The following WDR35 variants were observed in gnomAD, a reference collection of about 807,000 sequenced individuals.
WDR35 encodes the protein WD repeat-containing protein 35.
In WDR35, 118 loss-of-function variants were observed where a neutral mutation model predicts 158.3. The ratio of observed to expected loss-of-function variants is 0.75; its 90% CI spans 0.64 to 0.87. The LOEUF is 0.87. Ranked by LOEUF, WDR35 falls within the 40% of genes least tolerant of loss-of-function variation. The pLI, the probability that WDR35 is intolerant of heterozygous loss-of-function variation, is 0.00. For synonymous variants in WDR35, 448 were observed against 476.1 expected, an observed-to-expected ratio of 0.94 and a Z score of 0.77; for missense variants, 1,263 against 1,405.8, an observed-to-expected ratio of 0.90 and a Z score of 1.62.
At chr2:19,965,772 CCTT>C (rs531047586) in intron 10 of WDR35, among the ~76,000 whole-genome samples, 2 of 152,242 alleles carry the variant, frequency 1.3e-5, no homozygotes, top group South Asian at 2.1e-4. Flanking sequence ...AGTGGGATCT[CCTT>C]CTTCTTAAAA....
chr2:19,976,996 T>G (rs1012308282), intron 5 of WDR35, among the ~76,000 whole-genome samples: 1 of 148,276 alleles, frequency 6.7e-6, no homozygotes, highest in South Asian at 2.1e-4. Context: ...ATTTGTTTTG[T>G]TTTTTTTTTA....
intron 25 of WDR35, 30 bp downstream of exon 25, chr2:19,930,366 C>T: frequency 1.9e-6 from 3 of 1,614,052 alleles, no homozygotes; most frequent in Middle Eastern, 3.3e-4. Flanking sequence ...AATTTTCAGA[C>T]ATACTATACA....
At position 19,982,677 on chromosome 2, in the gene WDR35, C is replaced by T. The variant is rs535176830; in HGVS notation, c.143-143G>A. On this transcript the variant is annotated intron_variant, in intron 2 of 26. Coordinates refer to ENST00000281405, the MANE Select transcript of WDR35 (RefSeq NM_020779.4). ...TGATATATTTTTCTCATGGTATAAA[C>T]ATGAACAATAACACATACCCCTTGC... 2,731 of 877,214 alleles carry T rather than the reference C, an allele frequency of 3.1e-3. 53 individuals carry two copies. Among genetic ancestry groups the T allele is most frequent in the South Asian group, 0.014 (856 of 59,236 alleles). 54.3% of individuals were successfully genotyped at this position (877,214 alleles called of 1,614,324 possible). A position where few individuals can be genotyped will look rare whatever the true frequency, so the allele number is the denominator to read the frequency against.
Position 19,910,418 on chromosome 2 carries a change from C to T in WDR35, c.*3140G>A, listed in dbSNP as rs1368691464. ...AGCATTTGTGAATTAAGCATGTCAA[C>T]ATTACTGTGTTGCTTGTTAGGCACA... is the stretch of plus-strand genomic sequence containing the variant. On this transcript the variant is annotated 3_prime_UTR_variant, in exon 27 of 27. Transcript: ENST00000281405. 6.6e-6 allele frequency: 1 copy of T among 152,144 alleles called. No individual in the cohort carries two copies. The highest frequency in any genetic ancestry group is 2.4e-5 in the African/African-American group (1 of 41,422). The allele number at this position is 152,144 out of a possible 1,614,324, so 9.4% of individuals were successfully genotyped here.
chr2:19,983,861 T>G (rs1388522423), intron 2 of WDR35, among the ~76,000 whole-genome samples: 1 of 152,134 alleles, frequency 6.6e-6, no homozygotes, highest in Non-Finnish European at 1.5e-5. Context: ...AGGCTGAACA[T>G]AATTTTTTTT....
At position 19,980,672 on chromosome 2, in the gene WDR35, C is replaced by G; in HGVS notation, c.307+19G>C. 1.2e-6 allele frequency: 2 copies of G among 1,600,486 alleles called. No homozygotes were observed. Among genetic ancestry groups the G allele is most frequent in the Non-Finnish European group, 1.7e-6 (2 of 1,167,894 alleles). The stretch of plus-strand genomic sequence containing the variant: ...GCCAACTTGTGAAAAATTAAATAAT[C>G]TCTCCTAGTAAAGTATACCTTTATA... On this transcript the variant is annotated intron_variant, in intron 4 of 26. Coordinates refer to ENST00000281405, the MANE Select transcript of WDR35 (RefSeq NM_020779.4).
chr2:19,959,480 G>GTATATA (rs1671561396), intron 11 of WDR35, among the ~76,000 whole-genome samples: 1 of 151,744 alleles, frequency 6.6e-6, no homozygotes, highest in East Asian at 1.9e-4. Flanking sequence ...ATATATATGT[G>GTATATA]TATATAAATA....
chr2:19,958,160 G>A (rs1235162380), intron 11 of WDR35, among the ~76,000 whole-genome samples: 7 of 152,160 alleles, frequency 4.6e-5, no homozygotes, highest in African/African-American at 7.2e-5. Flanking sequence ...CCTAGTGCAC[G>A]TGTTAGATAC....
intron 24 of WDR35, 64 bp downstream of exon 24, chr2:19,931,205 G>A (rs1489129792): frequency 6.8e-7 from 1 of 1,475,620 alleles, no homozygotes; most frequent in Admixed American, 1.9e-5. Flanking sequence ...AAGTTTAATA[G>A]TTTCTTTTTT....
chr2:19,964,636 G>A (rs920744888), intron 10 of WDR35, among the ~76,000 whole-genome samples: 3 of 151,316 alleles, frequency 2.0e-5, no homozygotes, highest in Non-Finnish European at 2.9e-5. Context: ...TGCCCACCTC[G>A]GCCTCCCAAA....
chr2:19,975,889 G>C (rs1250725455), intron 5 of WDR35, among the ~76,000 whole-genome samples: 1 of 152,136 alleles, frequency 6.6e-6, no homozygotes, highest in Non-Finnish European at 1.5e-5. Flanking sequence ...TCTGATGCTG[G>C]ATCTCACTCC....
At position 19,930,505 on chromosome 2, in the gene WDR35, T is replaced by C; in HGVS notation, c.3012A>G (p.Thr1004=). ...AGLLEEEVLS[T]TDRFTDNAWR... The stretch of plus-strand genomic sequence containing the variant: ...ATGCATTATCTGTGAAACGATCTGT[T>C]GTAGACAGAACTTCTTCTTCCAGCA... Residue 1004 remains threonine, a synonymous_variant, in exon 25 of 27, where the codon ACA becomes ACG. Transcript: ENST00000281405. The C allele has an allele frequency of 6.2e-7, 1 of 1,614,184 alleles. No homozygotes were observed. The highest frequency in any genetic ancestry group is 1.1e-5 in the South Asian group (1 of 91,088).
At chr2:19,922,650 C>T (rs576528779) in intron 25 of WDR35, among the ~76,000 whole-genome samples, 53 of 152,130 alleles carry the variant, frequency 3.5e-4, no homozygotes, top group African/African-American at 1.2e-3. Flanking sequence ...AAACCACCAA[C>T]GCATGTGTAT....
intron 11 of WDR35, 96 bp from the exon 12 acceptor site, chr2:19,954,074 A>G: frequency 1.4e-6 from 2 of 1,407,546 alleles, no homozygotes; most frequent in East Asian, 2.3e-5. Context: ...TCAACCCCTC[A>G]TTTTATAGAC....
intron 3 of WDR35, 111 bp downstream of exon 3, chr2:19,982,352 T>C: frequency 9.6e-7 from 1 of 1,040,158 alleles, no homozygotes. Context: ...AGAGCATCTG[T>C]ACTGTAAATA....
At chr2:19,929,697 T>C (rs1375048793) in intron 25 of WDR35, among the ~76,000 whole-genome samples, 1 of 152,180 alleles carries the variant, frequency 6.6e-6, no homozygotes, top group Non-Finnish European at 1.5e-5. Flanking sequence ...TGTTTAAGAA[T>C]GAGGAAAGAA....
At chr2:19,974,321 T>C in intron 7 of WDR35, 147 bp downstream of exon 7, 1 of 747,712 alleles carries the variant, frequency 1.3e-6, no homozygotes, top group Non-Finnish European at 2.1e-6. Flanking sequence ...AGGCAGGAAA[T>C]TCGCTTGAAC....
intron 15 of WDR35, 102 bp from the exon 16 acceptor site, chr2:19,946,098 C>T: frequency 7.9e-7 from 1 of 1,264,254 alleles, no homozygotes. Context: ...ATCAGATTAT[C>T]AGAAACCTGG....
At chr2:19,919,538 A>C (rs1670103900) in intron 25 of WDR35, among the ~76,000 whole-genome samples, 1 of 152,238 alleles carries the variant, frequency 6.6e-6, no homozygotes, top group Admixed American at 6.5e-5. Flanking sequence ...GAAACCAATG[A>C]GAACAAAGAC....
Sources: allele counts gnomAD v4.1 joint callset (sites outside exome capture counted in the v4.1 genomes callset), GRCh38; gene constraint gnomAD v4.1.1; transcripts MANE v1.5; gene names NCBI Gene and HGNC (gene_info 2026-07-23, HGNC 2026-07-21).